SP110: variants seen among roughly 807,000 people sequenced by gnomAD.
SP110 encodes interferon-induced protein 41, 30kD.
SP110 carries 62 observed loss-of-function variants against 92.7 expected under a neutral mutation model. That is an observed-to-expected ratio of 0.67 (90% CI 0.55 to 0.83). The LOEUF (loss-of-function observed/expected upper bound fraction) is 0.83. SP110 is among the 40% of genes least tolerant of loss of function. SP110 has a pLI of 0.00. For missense variants in SP110, 793 were observed against 863.9 expected (o/e 0.92, Z 1.03); for synonymous variants, 273 against 305.3 (o/e 0.89, Z 1.10).
chr2:230,177,376 C>T, intron 14 of SP110, 162 bp downstream of exon 14: 1 of 780,216 alleles, frequency 1.3e-6, no homozygotes, highest in Non-Finnish European at 2.2e-6. Flanking sequence ...ACAATATGTG[C>T]TCCTAACTTT....
chr2:230,198,596 ATT>A (rs34926695), intron 10 of SP110, among the ~76,000 whole-genome samples: 18,171 of 151,380 alleles, frequency 0.12, 1,204 homozygotes, highest in South Asian at 0.27. Flanking sequence ...AAATGATAGA[ATT>A]TTTTTTTCTT....
chr2:230,182,355 G>T lies in SP110; in HGVS notation c.1348+1217C>A, dbSNP rs571961138. On this transcript the variant is annotated intron_variant, in intron 12 of 18. Transcript: ENST00000258381. ...AGGATAAATAGCTAATGCATGTTGG[G>T]CTTAATACCTAGGGGATGGGTTGAT... Among the ~76,000 whole-genome samples the T allele has an allele frequency of 1.1e-3, 164 of 152,282 alleles. 2 individuals are homozygous for T. The highest frequency in any genetic ancestry group is 3.8e-3 in the African/African-American group (157 of 41,538).
intron 12 of SP110, among the ~76,000 whole-genome samples, chr2:230,179,787 A>C (rs2042045341): frequency 6.6e-6 from 1 of 151,854 alleles, no homozygotes; most frequent in Admixed American, 6.6e-5. Context: ...ACACATTCAC[A>C]AGCAGATGAG....
chr2:230,186,683 A>C (rs2042376900), intron 10 of SP110, among the ~76,000 whole-genome samples: 1 of 152,040 alleles, frequency 6.6e-6, no homozygotes, highest in Admixed American at 6.6e-5. Context: ...GAGTCTCCAT[A>C]ATCCGTTATA....
chr2:230,220,172 G>A, upstream of SP110: 1 of 699,898 alleles, frequency 1.4e-6, no homozygotes, highest in Non-Finnish European at 1.8e-6. Flanking sequence ...TGCCAGTTGG[G>A]ATCAGCCCAG....
Position 230,172,932 on chromosome 2 carries a change from A to C in SP110, c.1618T>G (p.Cys540Gly). 3 of 1,614,066 alleles carry C rather than the reference A, an allele frequency of 1.9e-6. No homozygotes were observed. Among genetic ancestry groups the C allele is most frequent in the East Asian group, 2.2e-5 (1 of 44,880 alleles). ...KRKNSDECEV[C>G]CQGGQLLCCG... is the part of the protein sequence containing the mutation. ...CAGAGAAGTTGTCCCCCTTGACAGC[A>C]CACCTCGCATTCATCCGAGTTTTTC... Residue 540 changes from cysteine to glycine, a missense_variant, in exon 15 of 19, where the codon TGC becomes GGC. Transcript: ENST00000258381.
chr2:230,221,281 GAA>G (rs113981247), upstream of SP110, among the ~76,000 whole-genome samples: 11 of 82,602 alleles, frequency 1.3e-4, no homozygotes, highest in Admixed American at 2.8e-4. Context: ...ACTCCATCTC[GAA>G]AAAAAAAAAA....
At chr2:230,216,737 T>C in intron 2 of SP110, 44 bp downstream of exon 2, 2 of 1,610,228 alleles carry the variant, frequency 1.2e-6, no homozygotes, top group Non-Finnish European at 1.7e-6. Flanking sequence ...ATCAGGCATA[T>C]TGGTGGGGGC....
chr2:230,165,457 C>T lies in SP110; in HGVS notation c.*3667G>A, dbSNP rs1319613886. Among the ~76,000 whole-genome samples, 1 of 152,188 alleles carries T rather than the reference C, an allele frequency of 6.6e-6. No individual in the cohort carries two copies. Among genetic ancestry groups the T allele is most frequent in the South Asian group, 2.1e-4 (1 of 4,824 alleles). On this transcript the variant is annotated 3_prime_UTR_variant, in exon 19 of 19. Transcript: ENST00000258381. ...AAAATACAGGTTATCACGTAACACACACTTTTAATTTTTGCTTTTGAATTA... is the reference window on the plus strand; with the variant it reads ...AAAATACAGGTTATCACGTAACACATACTTTTAATTTTTGCTTTTGAATTA...
chr2:230,181,210 T>C (rs1051037825), intron 12 of SP110, among the ~76,000 whole-genome samples: 12 of 152,196 alleles, frequency 7.9e-5, no homozygotes, highest in East Asian at 3.9e-4. Flanking sequence ...GTTTCAAGAA[T>C]TGGCTCTGAC....
intron 10 of SP110, among the ~76,000 whole-genome samples, chr2:230,189,191 C>T (rs2148773253): frequency 6.6e-6 from 1 of 151,482 alleles, no homozygotes; most frequent in East Asian, 1.9e-4. Flanking sequence ...TTTTTTGTTT[C>T]AATTTTATTT....
At chr2:230,171,024 A>G in intron 17 of SP110, 1 of 551,110 alleles carries the variant, frequency 1.8e-6, no homozygotes, top group South Asian at 2.1e-5. Flanking sequence ...AGGTCAAGGA[A>G]CCTACCCAAG....
chr2:230,177,695 C>T lies in SP110; in HGVS notation c.1448-15G>A, dbSNP rs201061178. 8 of 1,613,806 alleles carry T rather than the reference C, an allele frequency of 5.0e-6. No homozygotes were observed. Among genetic ancestry groups the T allele is most frequent in the Non-Finnish European group, 6.8e-6 (8 of 1,179,872 alleles). ...CACTGAGGATCCTGTAAGAAAAAGC[C>T]CATTCTTGGATCTACCCCCATCCTC... On this transcript the variant is annotated splice_polypyrimidine_tract_variant and intron_variant, in intron 13 of 18. Transcript: ENST00000258381.
chr2:230,223,019 G>A (rs1409870993), upstream of SP110, among the ~76,000 whole-genome samples: 1 of 150,462 alleles, frequency 6.6e-6, no homozygotes, highest in Admixed American at 6.6e-5. Flanking sequence ...TGATCAGCAT[G>A]ATGTCATCAA....
At chr2:230,214,691 T>G (rs1574775460) in intron 3 of SP110, among the ~76,000 whole-genome samples, 1 of 152,214 alleles carries the variant, frequency 6.6e-6, no homozygotes, top group East Asian at 1.9e-4. Flanking sequence ...TTTTCCAGTA[T>G]GCCAAATTGT....
chr2:230,225,447 G>A lies in SP110; in HGVS notation c.-64+88C>T, dbSNP rs188544933. On this transcript the variant is annotated intron_variant, in intron 1 of 15. Transcript: ENST00000540870. ...TGGAGCCTGACTGAAGATTTGAAAT[G>A]TCTGGTCTTCACTTGTCCTTCTCAG... 5.9e-5 allele frequency: 19 copies of A among 323,056 alleles called. No homozygotes were observed. In the East Asian group the frequency reaches 1.6e-3, roughly 28 times the overall value. 20.0% of individuals were successfully genotyped at this position (323,056 alleles called of 1,614,324 possible).
At chr2:230,170,888 C>A in intron 17 of SP110, 127 bp from the exon 18 acceptor site, 1 of 944,562 alleles carries the variant, frequency 1.1e-6, no homozygotes, top group Admixed American at 2.0e-5. Flanking sequence ...CTCTTTAAGC[C>A]AGCTATTGTT....
intron 10 of SP110, among the ~76,000 whole-genome samples, chr2:230,196,545 A>T (rs944082444): frequency 1.7e-4 from 25 of 151,266 alleles, no homozygotes; most frequent in East Asian, 1.2e-3. Flanking sequence ...CTTTTTTTTA[A>T]AATTTTATTA....
chr2:230,183,695 A>G (rs2042230582), intron 11 of SP110, 55 bp from the exon 12 acceptor site: 1 of 1,112,938 alleles, frequency 9.0e-7, no homozygotes, highest in East Asian at 2.3e-5. Context: ...TATAAGCCTC[A>G]TAGGTTAACA....
Sources: allele counts gnomAD v4.1 joint callset (sites outside exome capture counted in the v4.1 genomes callset), GRCh38; gene constraint gnomAD v4.1.1; transcripts MANE v1.5; gene names NCBI Gene and HGNC (gene_info 2026-07-23, HGNC 2026-07-21).